Variants in IL17RA observed in about 807,000 individuals in gnomAD.
IL17RA encodes interleukin-17 receptor A.
A neutral mutation model predicts 50.4 loss-of-function variants in IL17RA; 34 were observed. That is an observed-to-expected ratio of 0.67 (90% CI 0.51 to 0.90). The LOEUF (loss-of-function observed/expected upper bound fraction) is 0.90. Ranked by LOEUF, IL17RA falls within the 40% of genes least tolerant of loss-of-function variation. The probability of loss-of-function intolerance (pLI) is 0.00; values close to 1 mark genes in which losing one functional copy is unlikely to be tolerated. For synonymous variants in IL17RA, 585 were observed against 510.4 expected (o/e 1.15, Z -1.97); for missense variants, 1,276 against 1,169.8 (o/e 1.09, Z -1.32).
rs756742971 is a variant in IL17RA at position 17,105,959 on chromosome 22, GC to G, written c.1045+6del. On this transcript the variant is annotated splice_donor_region_variant and intron_variant, in intron 11 of 12. Coordinates refer to ENST00000319363, the MANE Select transcript of IL17RA (RefSeq NM_014339.7). ...GCATGACCTGGAGGCTAGCTGGTAA[GC>G]GCTGGGGCTCTGGCTGTCCTGGAGT... The G allele has an allele frequency of 6.2e-7, 1 of 1,612,740 alleles. No individual in the cohort carries two copies. Among genetic ancestry groups the G allele is most frequent in the African/African-American group, 1.3e-5 (1 of 75,028 alleles).
intron 5 of IL17RA, among the ~76,000 whole-genome samples, chr22:17,100,812 C>T (rs1389606812): frequency 6.6e-6 from 1 of 152,170 alleles, no homozygotes; most frequent in Non-Finnish European, 1.5e-5. Context: ...ACAAGCCACT[C>T]GTGGGGAAGT....
chr22:17,103,500 C>G lies in IL17RA; in HGVS notation c.769C>G (p.Pro257Ala), dbSNP rs199569526. ...EHMHHIPAPR[P>A]EEFHQRSNVT... ...TCCTCGCCTCTCTCCTCAGCCCAGACCAGAAGAGTTCCACCAGCGATCCAA... is the reference window on the plus strand; with the variant it reads ...TCCTCGCCTCTCTCCTCAGCCCAGAGCAGAAGAGTTCCACCAGCGATCCAA... Residue 257 changes from proline to alanine, a missense_variant, in exon 8 of 13, where the codon CCA (proline) becomes GCA (alanine). Physicochemically the swap from Pro to Ala is conservative, Grantham distance 27. Transcript: ENST00000319363. 136 of 1,613,788 alleles carry G rather than the reference C, an allele frequency of 8.4e-5. No individual in the cohort carries two copies. The highest frequency in any genetic ancestry group is 1.1e-4 in the Non-Finnish European group (124 of 1,179,874).
At chr22:17,098,925 A>G (rs767799751) in intron 4 of IL17RA, 38 bp downstream of exon 4, 2 of 1,501,350 alleles carry the variant, frequency 1.3e-6, no homozygotes, top group Non-Finnish European at 1.9e-6. Flanking sequence ...TGTTCCACTG[A>G]TGACACCAGT....
At chr22:17,105,546 G>C in intron 9 of IL17RA, 45 bp from the exon 10 acceptor site, 1 of 1,594,692 alleles carries the variant, frequency 6.3e-7, no homozygotes, top group Non-Finnish European at 8.6e-7. Flanking sequence ...TGACTGGGAA[G>C]GGTTAAGAAT....
intron 11 of IL17RA, among the ~76,000 whole-genome samples, chr22:17,106,856 GGGC>G (rs66914361): frequency 0.22 from 33,814 of 152,042 alleles, 4,018 homozygotes; most frequent in Middle Eastern, 0.29. Flanking sequence ...GTTTGGGGCT[GGGC>G]GGCGGCGGCG....
At position 17,108,407 on chromosome 22, in the gene IL17RA, G is replaced by A. The variant is rs2229151; in HGVS notation, c.1188G>A (p.Leu396=). 0.028 allele frequency: 45,340 copies of A among 1,614,048 alleles called. 4,307 individuals are homozygous for A. In the East Asian group the frequency reaches 0.29, roughly 10 times the overall value. The change falls in exon 13 of 13, where the codon CTG becomes CTA. Residue 396 remains leucine (L), a synonymous_variant. Coordinates refer to ENST00000319363, the MANE Select transcript of IL17RA (RefSeq NM_014339.7). The part of the protein sequence containing the change: ...ADHPLYVDVV[L]KFAQFLLTAC... ...ACCCCCTCTACGTGGACGTGGTCCTGAAATTCGCCCAGTTCCTGCTCACCG... is the reference window on the plus strand; with the variant it reads ...ACCCCCTCTACGTGGACGTGGTCCTAAAATTCGCCCAGTTCCTGCTCACCG...
In IL17RA at chr22:17,114,924, A is replaced by G. The variant is rs1328487418; in HGVS notation, c.*5104A>G. 2.0e-5 allele frequency: 3 copies of G among 152,270 alleles called. No homozygotes were observed. Among genetic ancestry groups the G allele is most frequent in the Non-Finnish European group, 4.4e-5 (3 of 68,056 alleles). 9.4% of individuals were successfully genotyped at this position (152,270 alleles called of 1,614,324 possible). Reference sequence around the variant, plus strand: ...GAAAATGGAGAGAAAGCAGCCCTGAAGGTGGCTGTGACGAGGGAAGGGGCA... The same window carrying G: ...GAAAATGGAGAGAAAGCAGCCCTGAGGGTGGCTGTGACGAGGGAAGGGGCA... On this transcript the variant is annotated 3_prime_UTR_variant, in exon 13 of 13. Transcript: ENST00000319363.
At chr22:17,104,883 C>G in intron 9 of IL17RA, 73 bp downstream of exon 9, 2 of 1,417,976 alleles carry the variant, frequency 1.4e-6, no homozygotes, top group Non-Finnish European at 1.0e-6. Flanking sequence ...TGTGCTGCGT[C>G]CTTACCTGGT....
At chr22:17,107,352 G>T (rs963464297) in intron 11 of IL17RA, among the ~76,000 whole-genome samples, 4 of 152,202 alleles carry the variant, frequency 2.6e-5, no homozygotes, top group African/African-American at 9.7e-5. Context: ...ACCACCCCCT[G>T]CCCCCCGGCA....
rs1247109019 is a variant in IL17RA, at chr22:17,108,692, G to C, written c.1473G>C (p.Lys491Asn). ...AAMNMILPDF[K>N]RPACFGTYVV... The stretch of plus-strand genomic sequence containing the variant: ...TGAACATGATCCTCCCGGACTTCAA[G>C]AGGCCAGCCTGCTTCGGCACCTACG... Residue 491 changes from lysine to asparagine, a missense_variant, in exon 13 of 13, where the codon AAG (lysine) becomes AAC (asparagine). Transcript: ENST00000319363. 3 of 1,609,306 alleles carry C rather than the reference G, an allele frequency of 1.9e-6. No individual in the cohort carries two copies. In the East Asian group the frequency reaches 6.7e-5, roughly 36 times the overall value.
rs1183324114 is a variant in IL17RA, at chr22:17,103,020, T to TA, written c.763-472dup. On this transcript the variant is annotated intron_variant, in intron 7 of 12. Transcript: ENST00000319363. ...AGCCAGGTGTGCTGGCACACGCCTG[T>TA]AATCCCAGCAATTTGGGAAACTGAG... 1.3e-5 allele frequency among the ~76,000 whole-genome samples: 2 copies of TA among 152,086 alleles called. 1 individual carries two copies. Among genetic ancestry groups the TA allele is most frequent in the Middle Eastern group, 6.3e-3 (2 of 316 alleles).
chr22:17,106,977 T>C (rs2061417543), intron 11 of IL17RA, among the ~76,000 whole-genome samples: 1 of 152,210 alleles, frequency 6.6e-6, no homozygotes, highest in Non-Finnish European at 1.5e-5. Context: ...GTGACAGTTC[T>C]GGGGAAGAGC....
rs755167896 is a variant in IL17RA, at chr22:17,109,460, C to T, written c.2241C>T (p.His747=). 2.6e-5 allele frequency: 42 copies of T among 1,613,136 alleles called. No homozygotes were observed. The highest frequency in any genetic ancestry group is 1.7e-4 in the Middle Eastern group (1 of 6,056). The part of the protein sequence containing the change: ...PDLLPEDVRE[H]LEGLMLSLFE... ...TCCTTCCAGAGGACGTGAGGGAGCA[C>T]CTCGAAGGCTTGATGCTCTCGCTCT... The change falls in exon 13 of 13, where the codon CAC becomes CAT. Residue 747 remains histidine, a synonymous_variant. Transcript: ENST00000319363.
rs1418871572 is a variant in IL17RA, at chr22:17,108,483, G to T, written c.1264G>T (p.Glu422Ter). 6.2e-7 allele frequency: 1 copy of T among 1,613,446 alleles called. No individual in the cohort carries two copies. The highest frequency in any genetic ancestry group is 1.3e-5 in the African/African-American group (1 of 75,074). ...CCTGCTGGAAGAGCAGGCCATCTCG[G>T]AGGCAGGAGTCATGACCTGGGTGGG... is the stretch of plus-strand genomic sequence containing the variant. ...LDLLEEQAIS[E>*]AGVMTWVGRQ... is the part of the protein sequence containing the mutation. Residue 422 changes from glutamate (E) to a stop codon, truncating the protein, a stop_gained, in exon 13 of 13, where the codon GAG becomes TAG. Coordinates refer to ENST00000319363, the MANE Select transcript of IL17RA (RefSeq NM_014339.7). LOFTEE classifies it low-confidence loss of function (END_TRUNC).
rs201250724 is a variant in IL17RA, at chr22:17,103,525, A to G, written c.794A>G (p.Asn265Ser). The change falls in exon 8 of 13, where the codon AAC becomes AGC. Residue 265 changes from asparagine (N) to serine (S), a missense_variant. Asn to Ser is a conservative substitution (Grantham distance 46, BLOSUM62 1). Coordinates refer to ENST00000319363, the MANE Select transcript of IL17RA (RefSeq NM_014339.7). ...PRPEEFHQRS[N>S]VTLTLRNLKG... Reference sequence around the variant, plus strand: ...CCAGAAGAGTTCCACCAGCGATCCAACGTCACACTCACTCTACGCAACCTT... The same window carrying G: ...CCAGAAGAGTTCCACCAGCGATCCAGCGTCACACTCACTCTACGCAACCTT... 51 of 1,613,746 alleles carry G rather than the reference A, an allele frequency of 3.2e-5. No homozygotes were observed. The East Asian group carries it at 3.3e-4, about 11-fold the overall frequency.
At chr22:17,104,902 G>T in intron 9 of IL17RA, 92 bp downstream of exon 9, 2 of 1,224,110 alleles carry the variant, frequency 1.6e-6, no homozygotes, top group Non-Finnish European at 2.4e-6. Flanking sequence ...GTTCTGAGGG[G>T]TGATTAGGGA....
rs2061386999 is a variant in IL17RA, at chr22:17,100,494, T to A, written c.550+13T>A. 6.2e-7 allele frequency: 1 copy of A among 1,613,478 alleles called. No individual in the cohort carries two copies. Among genetic ancestry groups the A allele is most frequent in the Non-Finnish European group, 8.5e-7 (1 of 1,180,010 alleles). ...TTCCTTGTGCCTGGTAAGAGCATCC[T>A]CCCAAGACATTCCCTCCCCAATGGC... On this transcript the variant is annotated intron_variant, in intron 5 of 12. Transcript: ENST00000319363.
At position 17,109,519 on chromosome 22, in the gene IL17RA, G is replaced by A. The variant is rs1568924302; in HGVS notation, c.2300G>A (p.Gly767Asp). 3 of 1,597,738 alleles carry A rather than the reference G, an allele frequency of 1.9e-6. No individual in the cohort carries two copies. The highest frequency in any genetic ancestry group is 1.7e-5 in the Admixed American group (1 of 57,834). ...AGTCTGAGCTGCCAGGCCCAGGGGG[G>A]CTGCAGTAGACCCGCCATGGTCCTC... ...EQSLSCQAQG[G>D]CSRPAMVLTD... Residue 767 changes from glycine to aspartate, a missense_variant, in exon 13 of 13, where the codon GGC becomes GAC. By Grantham distance (94) the Gly-to-Asp change is moderately conservative. Transcript: ENST00000319363.
At chr22:17,104,696 G>C (rs2061406556) in intron 8 of IL17RA, 30 bp from the exon 9 acceptor site, 3 of 1,608,188 alleles carry the variant, frequency 1.9e-6, no homozygotes, top group Non-Finnish European at 1.7e-6. Context: ...TACAGTTCTG[G>C]AGCCCTTTTC....
Sources: allele counts gnomAD v4.1 joint callset (sites outside exome capture counted in the v4.1 genomes callset), GRCh38; gene constraint gnomAD v4.1.1; transcripts MANE v1.5; gene names NCBI Gene and HGNC (gene_info 2026-07-23, HGNC 2026-07-21).